Variants in ABCB1 observed in about 807,000 individuals in gnomAD.
The protein encoded by ABCB1 is ATP binding cassette subfamily B member 1, also known as ATP-dependent translocase ABCB1.
In ABCB1, 69 loss-of-function variants were observed where a neutral mutation model predicts 142.0. The observed-to-expected ratio is 0.49, with a 90% CI of 0.40 to 0.59. ABCB1 has a LOEUF of 0.59. Among genes scored for constraint, ABCB1 ranks in the 20% least tolerant of loss-of-function variants. The pLI is 0.00. For missense variants in ABCB1, 1,326 were observed against 1,554.7 expected (o/e 0.85, Z 2.47); for synonymous variants, 532 against 539.2 (o/e 0.99, Z 0.18).
chr7:87,651,009 T>C, intron 1 of ABCB1: 2 of 867,660 alleles, frequency 2.3e-6, no homozygotes, highest in Non-Finnish European at 3.8e-6. Flanking sequence ...TTAGAAATCA[T>C]ACAGTCTGTG....
intron 18 of ABCB1, among the ~76,000 whole-genome samples, chr7:87,540,471 C>T (rs1816488332): frequency 6.6e-6 from 1 of 152,212 alleles, no homozygotes. Flanking sequence ...GACAGGGACT[C>T]ACTCTGTTGC....
intron 1 of ABCB1, among the ~76,000 whole-genome samples, chr7:87,699,455 G>T (rs1421839347): frequency 6.6e-6 from 1 of 152,104 alleles, no homozygotes; most frequent in African/African-American, 2.4e-5. Context: ...TCAGGCTGGG[G>T]TGCAGTGGCT....
At chr7:87,610,078 G>A (rs1819795419) in intron 1 of ABCB1, among the ~76,000 whole-genome samples, 1 of 152,036 alleles carries the variant, frequency 6.6e-6, no homozygotes, top group African/African-American at 2.4e-5. Flanking sequence ...TCCCTTGCGT[G>A]TCTTTTCCAA....
At chr7:87,593,373 T>C (rs1285252062) in intron 3 of ABCB1, among the ~76,000 whole-genome samples, 1 of 152,258 alleles carries the variant, frequency 6.6e-6, no homozygotes, top group Non-Finnish European at 1.5e-5. Flanking sequence ...TTTAAAAGGC[T>C]AGTATAGAAT....
At chr7:87,652,138 A>G (rs1228065836) in intron 1 of ABCB1, among the ~76,000 whole-genome samples, 1 of 152,132 alleles carries the variant, frequency 6.6e-6, no homozygotes, top group African/African-American at 2.4e-5. Context: ...CCTAACTAAA[A>G]AGCATATGGA....
intron 1 of ABCB1, among the ~76,000 whole-genome samples, chr7:87,680,210 C>T (rs1278515068): frequency 6.6e-6 from 1 of 150,428 alleles, no homozygotes; most frequent in East Asian, 2.0e-4. Flanking sequence ...ATGACCTCAT[C>T]CCTTTTTGTG....
At chr7:87,584,026 A>C (rs374500481) in intron 4 of ABCB1, among the ~76,000 whole-genome samples, 65 of 152,200 alleles carry the variant, frequency 4.3e-4, no homozygotes, top group African/African-American at 1.4e-3. Flanking sequence ...GTGTAAAAGA[A>C]AGGTACCAGT....
At chr7:87,620,202 C>T (rs370272884) in intron 1 of ABCB1, among the ~76,000 whole-genome samples, 1 of 151,584 alleles carries the variant, frequency 6.6e-6, no homozygotes, top group African/African-American at 2.4e-5. Context: ...GCTCTGTTGC[C>T]CAGGCTGGAC....
chr7:87,599,174 T>C (rs1281659534), intron 2 of ABCB1, among the ~76,000 whole-genome samples: 2 of 152,220 alleles, frequency 1.3e-5, no homozygotes, highest in Non-Finnish European at 2.9e-5. Flanking sequence ...ATAATTTACA[T>C]TACAGTTTCT....
intron 21 of ABCB1, among the ~76,000 whole-genome samples, chr7:87,525,645 C>A: frequency 6.6e-6 from 1 of 151,838 alleles, no homozygotes. Flanking sequence ...ATTCATTAAG[C>A]GGAAGTGGAT....
intron 3 of ABCB1, among the ~76,000 whole-genome samples, chr7:87,589,182 G>C (rs1818884078): frequency 6.6e-6 from 1 of 152,126 alleles, no homozygotes; most frequent in Non-Finnish European, 1.5e-5. Context: ...TTAGGAAGGA[G>C]ACTTTAGGGG....
chr7:87,678,750 A>G (rs1762038821), intron 1 of ABCB1, among the ~76,000 whole-genome samples: 1 of 151,684 alleles, frequency 6.6e-6, no homozygotes, highest in African/African-American at 2.4e-5. Context: ...TTCCATGCAG[A>G]AAGTAATTGA....
At chr7:87,546,090 CA>C in intron 14 of ABCB1, 66 bp from the exon 15 acceptor site, 1 of 1,513,638 alleles carries the variant, frequency 6.6e-7, no homozygotes, top group South Asian at 1.1e-5. Flanking sequence ...AACCATTCAA[CA>C]TATATTTACT....
chr7:87,697,490 A>G (rs1034898551), intron 1 of ABCB1, among the ~76,000 whole-genome samples: 6 of 152,344 alleles, frequency 3.9e-5, no homozygotes, highest in Admixed American at 3.3e-4. Flanking sequence ...TAACTTTAGA[A>G]TGGTTGATGA....
chr7:87,638,200 T>G (rs1822009288), intron 1 of ABCB1, among the ~76,000 whole-genome samples: 1 of 152,214 alleles, frequency 6.6e-6, no homozygotes, highest in African/African-American at 2.4e-5. Context: ...GACATATTTT[T>G]GCATTTAGGG....
chr7:87,653,813 A>G (rs1031112540), intron 1 of ABCB1, among the ~76,000 whole-genome samples: 1 of 151,980 alleles, frequency 6.6e-6, no homozygotes, highest in Non-Finnish European at 1.5e-5. Context: ...CTTCTGGCTT[A>G]CCACTGATTT....
At chr7:87,686,359 G>A (rs1456622200) in intron 1 of ABCB1, among the ~76,000 whole-genome samples, 1 of 152,100 alleles carries the variant, frequency 6.6e-6, no homozygotes, top group African/African-American at 2.4e-5. Flanking sequence ...GTATATTAAC[G>A]AGCATGGTGT....
intron 1 of ABCB1, among the ~76,000 whole-genome samples, chr7:87,626,737 GTGTCATATATATGTCATATATA>G (rs1257710271): frequency 0.44 from 41,595 of 95,062 alleles, 11,787 homozygotes; most frequent in South Asian, 0.65. Flanking sequence ...TCATATATAT[GTGTCATATATATGTCATATATA>G]TGTCATATAT....
intron 1 of ABCB1, among the ~76,000 whole-genome samples, chr7:87,610,548 C>A (rs1010045810): frequency 6.6e-6 from 1 of 151,856 alleles, no homozygotes; most frequent in African/African-American, 2.4e-5. Context: ...TGCATCTGGC[C>A]TGTTCTTTTT....
Sources: gnomAD v4.1 joint callset for allele counts (sites outside exome capture counted in the v4.1 genomes callset) on GRCh38, gnomAD v4.1.1 for gene constraint, MANE v1.5 for transcripts, NCBI Gene and HGNC (gene_info 2026-07-23, HGNC 2026-07-21) for gene names.